The following MZF1 variants were observed in gnomAD, a reference collection of about 807,000 sequenced individuals.
MZF1 encodes myeloid zinc finger 1.
A neutral mutation model predicts 28.6 loss-of-function variants in MZF1; 24 were observed. The ratio of observed to expected loss-of-function variants is 0.84; its 90% CI spans 0.61 to 1.18. MZF1 has a LOEUF of 1.18. MZF1 is among the 50% of genes most tolerant of loss of function. The pLI is 0.00. For synonymous variants in MZF1, 516 were observed against 432.5 expected (o/e 1.19, Z -2.40); for missense variants, 1,166 against 1,026.4 (o/e 1.14, Z -1.86).
In MZF1 at chr19:58,562,443, G is replaced by C. The variant is rs771540653; in HGVS notation, c.1834C>G (p.Leu612Val). The change falls in exon 6 of 6, where the codon CTC (leucine) becomes GTC (valine). Residue 612 changes from leucine (L) to valine (V), a missense_variant. By Grantham distance (32) the Leu-to-Val change is conservative. Coordinates refer to ENST00000215057, the MANE Select transcript of MZF1 (RefSeq NM_198055.2). ...CGQRFSQRLK[L>V]TRHQRTHTGE... is the part of the protein sequence containing the mutation. ...GTGTGTGTCCTCTGATGACGCGTGA[G>C]CTTGAGGCGCTGGCTGAAGCGCTGG... 3 of 1,611,600 alleles carry C rather than the reference G, an allele frequency of 1.9e-6. No homozygotes were observed. The highest frequency in any genetic ancestry group is 2.7e-5 in the African/African-American group (2 of 74,880).
At chr19:58,569,115 G>A in intron 5 of MZF1, 162 bp downstream of exon 5, 1 of 927,538 alleles carries the variant, frequency 1.1e-6, no homozygotes, top group Non-Finnish European at 1.5e-6. Context: ...GAGGGCAGAA[G>A]ATGCTAGAGG....
In MZF1 at chr19:58,570,346, G is replaced by A. The variant is rs563098655; in HGVS notation, c.578C>T (p.Ser193Leu). 1 of 1,611,054 alleles carries A rather than the reference G, an allele frequency of 6.2e-7. No homozygotes were observed. The highest frequency in any genetic ancestry group is 8.5e-7 in the Non-Finnish European group (1 of 1,178,114). Reference sequence around the variant, plus strand: ...GCGCCCACCGTGCATGCCCTCACCTGAGTCCTCTGTAACCTCTGACTCCTC... The same window carrying A: ...GCGCCCACCGTGCATGCCCTCACCTAAGTCCTCTGTAACCTCTGACTCCTC... ...VKEESEVTED[S>L]DFLESGPLAA... is the part of the protein sequence containing the mutation. The change falls in exon 3 of 6, where the codon TCA (serine) becomes TTA (leucine). Residue 193 changes from serine (S) to leucine (L), a missense_variant and splice_region_variant. Ser to Leu is a moderately radical substitution (Grantham distance 145). Coordinates refer to ENST00000215057, the MANE Select transcript of MZF1 (RefSeq NM_198055.2).
chr19:58,568,009 G>C (rs1226926976), intron 5 of MZF1, among the ~76,000 whole-genome samples: 5 of 152,024 alleles, frequency 3.3e-5, no homozygotes, highest in African/African-American at 7.3e-5. Flanking sequence ...GGCTGAGGTG[G>C]GAGCATCACT....
intron 2 of MZF1, 58 bp downstream of exon 2, chr19:58,570,936 G>T (rs900734431): frequency 6.6e-7 from 1 of 1,526,280 alleles, no homozygotes; most frequent in African/African-American, 1.4e-5. Flanking sequence ...GCTGCCCAGG[G>T]TGAGGCCGAG....
Position 58,569,293 on chromosome 19 carries a change from C to T in MZF1, c.756G>A (p.Gly252=), listed in dbSNP as rs751698589. The T allele has an allele frequency of 1.2e-6, 2 of 1,606,464 alleles. No individual in the cohort carries two copies. The highest frequency in any genetic ancestry group is 1.7e-5 in the Admixed American group (1 of 58,754). Reference sequence around the variant, plus strand: ...CTCACTTACCTGGGGAGAAGATGCCCCCAGCTTCCTCATGCCACAGGGCCC... The same window carrying T: ...CTCACTTACCTGGGGAGAAGATGCCTCCAGCTTCCTCATGCCACAGGGCCC... ...HPRALWHEEA[G]GIFSPGFALQ... Residue 252 remains glycine, a synonymous_variant, in exon 5 of 6, where the codon GGG becomes GGA. Coordinates refer to ENST00000215057, the MANE Select transcript of MZF1 (RefSeq NM_198055.2).
intron 5 of MZF1, among the ~76,000 whole-genome samples, chr19:58,566,140 CAAA>C (rs549151670): frequency 9.0e-6 from 1 of 110,834 alleles, no homozygotes. Flanking sequence ...GACTCCGTCT[CAAA>C]AAAAAAAAAA....
chr19:58,566,740 G>A (rs556583352), intron 5 of MZF1, among the ~76,000 whole-genome samples: 6 of 152,280 alleles, frequency 3.9e-5, no homozygotes, highest in South Asian at 2.1e-4. Context: ...TTGGAAAGCT[G>A]AAGCAGGAGG....
chr19:58,562,258 G>A lies in MZF1; in HGVS notation c.2019C>T (p.Arg673=). 1 of 1,605,698 alleles carries A rather than the reference G, an allele frequency of 6.2e-7. No individual in the cohort carries two copies. The highest frequency in any genetic ancestry group is 8.5e-7 in the Non-Finnish European group (1 of 1,177,250). ...CGTAGGGCCGTTCACCCGTGTGGAT[G>A]CGCCGGTGCTGGGTGAGGTTGGCGT... ...RQHANLTQHR[R]IHTGERPYAC... The change falls in exon 6 of 6, where the codon CGC becomes CGT. Residue 673 remains arginine (R), a synonymous_variant. Transcript: ENST00000215057.
Position 58,562,284 on chromosome 19 carries a change from G to A in MZF1, c.1993C>T (p.His665Tyr). 1.2e-6 allele frequency: 2 copies of A among 1,609,346 alleles called. No homozygotes were observed. Among genetic ancestry groups the A allele is most frequent in the Non-Finnish European group, 1.7e-6 (2 of 1,178,930 alleles). ...CGCCGGTGCTGGGTGAGGTTGGCGT[G>A]CTGCCGAAAGCTCTGGCCGCACTCG... ...CPECGQSFRQ[H>Y]ANLTQHRRIH... The change falls in exon 6 of 6, where the codon CAC (histidine) becomes TAC (tyrosine). Residue 665 changes from histidine (H) to tyrosine (Y), a missense_variant. Transcript: ENST00000215057.
At position 58,562,415 on chromosome 19, in the gene MZF1, C is replaced by G; in HGVS notation, c.1862G>C (p.Gly621Ala). Residue 621 changes from glycine (G) to alanine (A), a missense_variant, in exon 6 of 6, where the codon GGC (glycine) becomes GCC (alanine). Gly to Ala is a moderately conservative substitution (Grantham distance 60). Coordinates refer to ENST00000215057, the MANE Select transcript of MZF1 (RefSeq NM_198055.2). ...CTCACCGCAGTGGTAGGGCTTTTCG[C>G]CGGTGTGTGTCCTCTGATGACGCGT... is the stretch of plus-strand genomic sequence containing the variant. ...KLTRHQRTHT[G>A]EKPYHCGECG... 8 of 1,609,872 alleles carry G rather than the reference C, an allele frequency of 5.0e-6. No homozygotes were observed. The highest frequency in any genetic ancestry group is 6.8e-6 in the Non-Finnish European group (8 of 1,178,566).
Position 58,573,323 on chromosome 19 carries a change from G to T in MZF1, c.-309C>A, listed in dbSNP as rs573394201. 1.3e-5 allele frequency: 2 copies of T among 152,806 alleles called. No individual in the cohort carries two copies. The highest frequency in any genetic ancestry group is 1.9e-4 in the East Asian group (1 of 5,196). 9.5% of individuals were successfully genotyped at this position (152,806 alleles called of 1,614,324 possible). A position where few individuals can be genotyped will look rare whatever the true frequency, so the allele number is the denominator to read the frequency against. ...CGCAAGCCTCTCAGGTACAACAGAC[G>T]GCAGCACCGCCTACCAGATCGCGCA... On this transcript the variant is annotated 5_prime_UTR_variant, in exon 1 of 6. Transcript: ENST00000215057.
At chr19:58,563,590 A>G (rs1256680645) in intron 5 of MZF1, 86 bp from the exon 6 acceptor site, 1 of 1,169,226 alleles carries the variant, frequency 8.6e-7, no homozygotes, top group Non-Finnish European at 1.2e-6. Flanking sequence ...AGTGTGAACT[A>G]CAGGGACCTG....
chr19:58,570,774 C>T, intron 2 of MZF1: 1 of 651,870 alleles, frequency 1.5e-6, no homozygotes, highest in Non-Finnish European at 2.6e-6. Flanking sequence ...TAGCCTGCAG[C>T]TCCTATGTCC....
Position 58,571,246 on chromosome 19 carries a change from C to T in MZF1, c.144G>A (p.Arg48=), listed in dbSNP as rs762053106. The T allele has an allele frequency of 1.2e-6, 2 of 1,612,682 alleles. No individual in the cohort carries two copies. Among genetic ancestry groups the T allele is most frequent in the South Asian group, 1.1e-5 (1 of 90,912 alleles). The change falls in exon 2 of 6, where the codon CGG becomes CGA. Residue 48 remains arginine (R), a synonymous_variant. Coordinates refer to ENST00000215057, the MANE Select transcript of MZF1 (RefSeq NM_198055.2). ...PGPEAARLRF[R]CFRYEEATGP... ...CTGTGGCCTCCTCATAGCGGAAGCACCGGAAACGCAGGCGTGCAGCTTCAG... is the reference window on the plus strand; with the variant it reads ...CTGTGGCCTCCTCATAGCGGAAGCATCGGAAACGCAGGCGTGCAGCTTCAG...
At chr19:58,567,071 T>G (rs1460500534) in intron 5 of MZF1, among the ~76,000 whole-genome samples, 3 of 152,066 alleles carry the variant, frequency 2.0e-5, no homozygotes, top group Admixed American at 2.0e-4. Context: ...CCCAGCTAGT[T>G]TTTTGTATTA....
At position 58,563,377 on chromosome 19, in the gene MZF1, G is replaced by A; in HGVS notation, c.900C>T (p.Gly300=). 1 of 1,605,128 alleles carries A rather than the reference G, an allele frequency of 6.2e-7. No homozygotes were observed. The highest frequency in any genetic ancestry group is 8.5e-7 in the Non-Finnish European group (1 of 1,175,898). Residue 300 remains glycine, a synonymous_variant, in exon 6 of 6, where the codon GGC becomes GGT. Transcript: ENST00000215057. ...TGGGGAGCAGAAGCGCATGCGCAAA[G>A]CCACCTTCGCGGGAGGGTGATTGGA... is the stretch of plus-strand genomic sequence containing the variant. ...GQIQSPSREG[G]FAHALLLPSD... is the part of the protein sequence containing the mutation.
At chr19:58,570,155 G>T in intron 3 of MZF1, 189 bp downstream of exon 3, 1 of 588,348 alleles carries the variant, frequency 1.7e-6, no homozygotes. Context: ...CTTGGTGTGT[G>T]AGGGGTAGTG....
At position 58,570,521 on chromosome 19, in the gene MZF1, C is replaced by G; in HGVS notation, c.403G>C (p.Val135Leu). ...EPGGPRRWVT[V>L]QVQGQEVLSE... Reference sequence around the variant, plus strand: ...AGGACCTCCTGGCCCTGCACCTGGACTGTGACCTGGGGAGGTGCCCCCACC... The same window carrying G: ...AGGACCTCCTGGCCCTGCACCTGGAGTGTGACCTGGGGAGGTGCCCCCACC... The change falls in exon 3 of 6, where the codon GTC becomes CTC. Residue 135 changes from valine to leucine, a missense_variant. By Grantham distance (32) the Val-to-Leu change is conservative (BLOSUM62 1). Coordinates refer to ENST00000215057, the MANE Select transcript of MZF1 (RefSeq NM_198055.2). 1 of 1,612,160 alleles carries G rather than the reference C, an allele frequency of 6.2e-7. No homozygotes were observed. The highest frequency in any genetic ancestry group is 8.5e-7 in the Non-Finnish European group (1 of 1,178,998).
intron 2 of MZF1, 61 bp downstream of exon 2, chr19:58,570,933 A>G: frequency 6.6e-7 from 1 of 1,517,604 alleles, no homozygotes; most frequent in South Asian, 1.3e-5. Context: ...GGTGCTGCCC[A>G]GGGTGAGGCC....
Sources: allele counts gnomAD v4.1 joint callset (sites outside exome capture counted in the v4.1 genomes callset), GRCh38; gene constraint gnomAD v4.1.1; transcripts MANE v1.5; gene names NCBI Gene and HGNC (gene_info 2026-07-23, HGNC 2026-07-21).